The following CASD1 variants were observed in gnomAD, a reference collection of about 807,000 sequenced individuals.
CASD1 encodes CAS1 domain sialic acid O acetyltransferase 1.
In CASD1, 41 loss-of-function variants were observed where a neutral mutation model predicts 100.0. The ratio of observed to expected loss-of-function variants is 0.41; its 90% confidence interval spans 0.32 to 0.53. The LOEUF is 0.53. Among genes scored for constraint, CASD1 ranks in the 20% least tolerant of loss-of-function variants. The pLI is 0.25. For missense variants in CASD1, 774 were observed against 948.7 expected, an observed-to-expected ratio of 0.82 and a Z score of 2.42; for synonymous variants, 321 against 315.6, an observed-to-expected ratio of 1.02 and a Z score of -0.18.
At chr7:94,548,599 A>G (rs1458605495) in intron 13 of CASD1, among the ~76,000 whole-genome samples, 2 of 151,724 alleles carry the variant, frequency 1.3e-5, no homozygotes, top group Non-Finnish European at 2.9e-5. Context: ...TTAAATGGAG[A>G]CGGTTGCGTT....
At chr7:94,562,815 C>G in the CASD1 span, among the ~76,000 whole-genome samples, 1 of 152,158 alleles carries the variant, frequency 6.6e-6, no homozygotes, top group Non-Finnish European at 1.5e-5. Context: ...CTTCTTACTG[C>G]CATGTCAACA....
the CASD1 span, among the ~76,000 whole-genome samples, chr7:94,602,714 T>G: frequency 1.3e-5 from 2 of 152,192 alleles, no homozygotes; most frequent in Non-Finnish European, 2.9e-5. Flanking sequence ...TACATATATT[T>G]GAAACCTTAC....
intron 17 of CASD1, 79 bp from the exon 18 acceptor site, chr7:94,555,413 A>G: frequency 7.2e-7 from 1 of 1,392,868 alleles, no homozygotes; most frequent in Non-Finnish European, 9.8e-7. Context: ...TTATGCAACC[A>G]AATTGTTTAA....
chr7:94,526,201 T>C (rs1377382204), intron 3 of CASD1, among the ~76,000 whole-genome samples: 1 of 152,356 alleles, frequency 6.6e-6, no homozygotes, highest in East Asian at 1.9e-4. Flanking sequence ...ACAGAAGTTC[T>C]TGCTTAGCGT....
the CASD1 span, among the ~76,000 whole-genome samples, chr7:94,571,040 CT>C: frequency 2.7e-3 from 378 of 138,648 alleles, no homozygotes; most frequent in Admixed American, 4.0e-3. Flanking sequence ...TTAAATTCTC[CT>C]TTTTTTTTTT....
At chr7:94,633,062 T>C in the CASD1 span, among the ~76,000 whole-genome samples, 1 of 152,060 alleles carries the variant, frequency 6.6e-6, no homozygotes, top group Non-Finnish European at 1.5e-5. Context: ...CTCTGAAATA[T>C]ACATGTGTAC....
the CASD1 span, chr7:94,587,985 C>A: frequency 7.1e-7 from 1 of 1,410,804 alleles, no homozygotes; most frequent in Non-Finnish European, 9.2e-7. Context: ...ACTTCTCTTG[C>A]TTTTCCAAAA....
chr7:94,547,930 A>G (rs369649676), intron 13 of CASD1, among the ~76,000 whole-genome samples: 3 of 150,994 alleles, frequency 2.0e-5, no homozygotes, highest in South Asian at 2.1e-4. Context: ...GTATAATCCT[A>G]TGCCGTTTGG....
chr7:94,629,776 C>G, the CASD1 span: 1 of 1,611,028 alleles, frequency 6.2e-7, no homozygotes, highest in Non-Finnish European at 8.5e-7. Flanking sequence ...AAAACATGAA[C>G]AAAGAGGACA....
At chr7:94,515,602 A>G (rs2116183969) in intron 1 of CASD1, among the ~76,000 whole-genome samples, 1 of 152,250 alleles carries the variant, frequency 6.6e-6, no homozygotes, top group South Asian at 2.1e-4. Flanking sequence ...TTCCATCTCT[A>G]TAAAAACATA....
chr7:94,624,305 A>G, the CASD1 span: 142,617 of 397,636 alleles, frequency 0.36, 27,643 homozygotes, highest in Non-Finnish European at 0.41. Flanking sequence ...TATCTTGTGC[A>G]TTTTAAAACA....
the CASD1 span, among the ~76,000 whole-genome samples, chr7:94,562,179 T>A: frequency 6.6e-6 from 1 of 152,214 alleles, no homozygotes; most frequent in Non-Finnish European, 1.5e-5. Flanking sequence ...TGTTTGCCGA[T>A]AAGAAGCAAG....
the CASD1 span, chr7:94,620,816 G>A: frequency 6.6e-6 from 1 of 152,228 alleles, no homozygotes; most frequent in Non-Finnish European, 1.5e-5. Context: ...CCCCTCAGAG[G>A]CTTTGAGCTG....
Position 94,547,125 on chromosome 7 carries a change from T to C in CASD1, c.1663T>C (p.Leu555=). 1 of 1,595,530 alleles carries C rather than the reference T, an allele frequency of 6.3e-7. No individual in the cohort carries two copies. The highest frequency in any genetic ancestry group is 8.5e-7 in the Non-Finnish European group (1 of 1,170,504). Residue 555 remains leucine, a synonymous_variant, in exon 13 of 18, where the codon TTG becomes CTG. Transcript: ENST00000297273. ...TTGTTTCTGGCATTTTGGCTTACTG[T>C]TGAAACTAGGCTTTTTGCTGTTATT... ...GNCFWHFGLL[L]KLGFLLLFIC... is the part of the protein sequence containing the mutation.
chr7:94,591,537 A>G, the CASD1 span, among the ~76,000 whole-genome samples: 1 of 152,230 alleles, frequency 6.6e-6, no homozygotes, highest in East Asian at 1.9e-4. Context: ...GGTAGTGGTT[A>G]GTAAACAAAG....
At chr7:94,541,926 G>A (rs1331847649) in intron 10 of CASD1, among the ~76,000 whole-genome samples, 2 of 152,018 alleles carry the variant, frequency 1.3e-5, no homozygotes, top group East Asian at 3.9e-4. Context: ...CCAGCATACA[G>A]CATATAGGTG....
the CASD1 span, among the ~76,000 whole-genome samples, chr7:94,565,169 A>G: frequency 3.7e-4 from 56 of 152,038 alleles, no homozygotes; most frequent in African/African-American, 1.3e-3. Flanking sequence ...TGGTAAAGCA[A>G]CTCTGACACT....
intron 1 of CASD1, among the ~76,000 whole-genome samples, chr7:94,513,501 T>TA (rs1793824079): frequency 6.6e-6 from 1 of 152,200 alleles, no homozygotes; most frequent in Non-Finnish European, 1.5e-5. Context: ...GTCTCACAGT[T>TA]ATTTGATTTT....
At position 94,521,125 on chromosome 7, in the gene CASD1, C is replaced by A. The variant is rs150504830; in HGVS notation, c.351+2802C>A. ...AAAAAAGAATAGTAGCATTAAAGTT[C>A]TGAAAGTAAGTTTCAACCTAGAATT... On this transcript the variant is annotated intron_variant, in intron 3 of 17. Transcript: ENST00000297273. 1.4e-3 allele frequency among the ~76,000 whole-genome samples: 207 copies of A among 152,122 alleles called. 6 individuals are homozygous for A. Among genetic ancestry groups the A allele is most frequent in the Admixed American group, 0.011 (163 of 15,272 alleles).
Sources: allele counts gnomAD v4.1 joint callset (sites outside exome capture counted in the v4.1 genomes callset), GRCh38; gene constraint gnomAD v4.1.1; transcripts MANE v1.5; gene names NCBI Gene and HGNC (gene_info 2026-07-23, HGNC 2026-07-21).